Variants in DIAPH2 observed in about 807,000 individuals in gnomAD.
DIAPH2 encodes diaphanous related formin 2, also known as protein diaphanous homolog 2.
DIAPH2 carries 35 observed loss-of-function variants against 92.7 expected under a neutral mutation model. That is an observed-to-expected ratio of 0.38 (90% CI 0.29 to 0.50). DIAPH2 has a LOEUF of 0.50. Ranked by LOEUF, DIAPH2 falls within the 20% of genes least tolerant of loss-of-function variation. The probability of loss-of-function intolerance (pLI) is 0.94; values close to 1 mark genes in which losing one functional copy is unlikely to be tolerated. For synonymous variants in DIAPH2, 301 were observed against 280.4 expected (o/e 1.07, Z -0.73); for missense variants, 701 against 819.5 (o/e 0.86, Z 1.77).
chrX:97,035,217 C>T (rs1411100355), intron 17 of DIAPH2, among the ~76,000 whole-genome samples: 2 of 111,224 alleles, frequency 1.8e-5, no homozygotes, highest in African/African-American at 6.6e-5. Flanking sequence ...TGTACAGGGG[C>T]TAATTAGCAT....
chrX:96,702,190 A>G lies in DIAPH2; in HGVS notation c.132+17000A>G, dbSNP rs182252257. ...TAGTTGAGAAATAATAGAGCTTGAGAAATTGGCTGGGAATTGTCCACAAAC... is the reference window on the plus strand; with the variant it reads ...TAGTTGAGAAATAATAGAGCTTGAGGAATTGGCTGGGAATTGTCCACAAAC... On this transcript the variant is annotated intron_variant, in intron 1 of 26. Coordinates refer to ENST00000324765, the MANE Select transcript of DIAPH2 (RefSeq NM_006729.5). Among the ~76,000 whole-genome samples the G allele has an allele frequency of 2.7e-5, 3 of 112,245 alleles. No individual in the cohort carries two copies. In the Admixed American group the frequency reaches 2.8e-4, roughly 11 times the overall value.
At chrX:97,264,914 C>T (rs1443126872) in intron 23 of DIAPH2, among the ~76,000 whole-genome samples, 1 of 110,774 alleles carries the variant, frequency 9.0e-6, no homozygotes, top group Non-Finnish European at 1.9e-5. Flanking sequence ...ACCCGGGAGG[C>T]GGAGGTTGCA....
At chrX:96,769,130 G>A (rs2064322470) in intron 4 of DIAPH2, among the ~76,000 whole-genome samples, 1 of 111,420 alleles carries the variant, frequency 9.0e-6, no homozygotes, top group Non-Finnish European at 1.9e-5. Flanking sequence ...GAGAGACAGA[G>A]ACTGTGGAAG....
At chrX:96,828,920 T>G (rs2064832216) in intron 4 of DIAPH2, among the ~76,000 whole-genome samples, 1 of 111,877 alleles carries the variant, frequency 8.9e-6, no homozygotes, top group Non-Finnish European at 1.9e-5. Flanking sequence ...ACTTATACTT[T>G]TAAAATGCCA....
At chrX:97,536,673 C>G (rs1299349119) in intron 26 of DIAPH2, among the ~76,000 whole-genome samples, 1 of 111,632 alleles carries the variant, frequency 9.0e-6, no homozygotes, top group African/African-American at 3.3e-5. Context: ...TCCCATAAAT[C>G]CAACAGTTCA....
intron 26 of DIAPH2, among the ~76,000 whole-genome samples, chrX:97,469,092 A>G (rs922184140): frequency 6.2e-5 from 7 of 112,183 alleles, no homozygotes; most frequent in Admixed American, 2.8e-4. Context: ...TCTTCCTAAG[A>G]TAATACTCTT....
chrX:96,943,190 T>C (rs1042311954), intron 13 of DIAPH2, among the ~76,000 whole-genome samples: 1 of 111,318 alleles, frequency 9.0e-6, no homozygotes, highest in Non-Finnish European at 1.9e-5. Context: ...ACCTTCAAAA[T>C]GTGACTTTTA....
rs1440903356 is a variant in DIAPH2, at chrX:97,452,331, A to G, written c.3241+22586A>G. ...AGGGGGCCACAGCCATCATAGCTCT[A>G]TTAGAGGCAGAAATATAACATTAAT... On this transcript the variant is annotated intron_variant, in intron 26 of 26. Coordinates refer to ENST00000324765, the MANE Select transcript of DIAPH2 (RefSeq NM_006729.5). 7.2e-5 allele frequency among the ~76,000 whole-genome samples: 8 copies of G among 111,518 alleles called. No homozygotes were observed. In the Admixed American group the frequency reaches 7.7e-4, roughly 11 times the overall value.
chrX:96,942,380 A>C (rs969407058), intron 13 of DIAPH2, among the ~76,000 whole-genome samples: 1 of 111,063 alleles, frequency 9.0e-6, no homozygotes. Flanking sequence ...TCCTGGAGGT[A>C]GTTTAAGCTT....
chrX:97,150,018 A>AT (rs2067275276), intron 22 of DIAPH2, among the ~76,000 whole-genome samples: 2 of 110,564 alleles, frequency 1.8e-5, no homozygotes, highest in South Asian at 7.6e-4. Flanking sequence ...TTTTATTATT[A>AT]TTTTTATTTT....
At chrX:97,126,845 A>T (rs762243687) in intron 21 of DIAPH2, among the ~76,000 whole-genome samples, 6 of 112,439 alleles carry the variant, frequency 5.3e-5, no homozygotes, top group Non-Finnish European at 1.1e-4. Flanking sequence ...TCCCCAAACA[A>T]TGTCTTCAGT....
At chrX:97,515,219 G>A (rs952920074) in intron 26 of DIAPH2, among the ~76,000 whole-genome samples, 4 of 112,669 alleles carry the variant, frequency 3.6e-5, no homozygotes, top group African/African-American at 6.4e-5. Context: ...GTGGTGCACC[G>A]TTTTTTAAGC....
At chrX:97,253,155 G>A (rs1459898565) in intron 23 of DIAPH2, among the ~76,000 whole-genome samples, 2 of 109,360 alleles carry the variant, frequency 1.8e-5, no homozygotes, top group Non-Finnish European at 3.8e-5. Context: ...GGGCATGGTG[G>A]CACAAGCCTA....
intron 24 of DIAPH2, among the ~76,000 whole-genome samples, chrX:97,353,911 C>T (rs1351881468): frequency 1.8e-5 from 2 of 110,729 alleles, no homozygotes; most frequent in Admixed American, 9.7e-5. Context: ...AACTCCTGGG[C>T]TCAAGTGATC....
chrX:97,205,563 C>T (rs961915491), intron 22 of DIAPH2, among the ~76,000 whole-genome samples: 4 of 111,871 alleles, frequency 3.6e-5, no homozygotes, highest in Non-Finnish European at 1.9e-5. Context: ...AAATAAAGCT[C>T]ATCATAACTG....
At chrX:96,943,844 T>A (rs1372575377) in intron 13 of DIAPH2, among the ~76,000 whole-genome samples, 1 of 111,417 alleles carries the variant, frequency 9.0e-6, no homozygotes, top group African/African-American at 3.2e-5. Context: ...TGAGAGAGGA[T>A]AGTCAGCATC....
intron 9 of DIAPH2, among the ~76,000 whole-genome samples, chrX:96,920,378 C>T (rs181427968): frequency 5.7e-4 from 63 of 111,443 alleles, no homozygotes; most frequent in African/African-American, 2.0e-3. Context: ...TACTTCTCTT[C>T]GAAAGTTTGT....
At chrX:96,751,560 A>G (rs1421420032) in intron 3 of DIAPH2, among the ~76,000 whole-genome samples, 1 of 100,989 alleles carries the variant, frequency 9.9e-6, no homozygotes, top group Non-Finnish European at 2.0e-5. Flanking sequence ...TGGGTGGAAG[A>G]GCGAGACTCT....
chrX:96,912,213 ACAAG>A (rs2065472859), intron 5 of DIAPH2, 111 bp from the exon 6 acceptor site: 3 of 602,314 alleles, frequency 5.0e-6, no homozygotes, highest in Middle Eastern at 5.3e-4. Flanking sequence ...AAAAATAATG[ACAAG>A]CAATATTGAG....
Sources: gnomAD v4.1 joint callset for allele counts (sites outside exome capture counted in the v4.1 genomes callset) on GRCh38, gnomAD v4.1.1 for gene constraint, MANE v1.5 for transcripts, NCBI Gene and HGNC (gene_info 2026-07-23, HGNC 2026-07-21) for gene names.